Variants in RBFOX1 observed in about 807,000 individuals in gnomAD.
The protein encoded by RBFOX1 is RNA binding fox-1 homolog 1, also known as RNA binding protein fox-1 homolog 1.
In RBFOX1, 8 loss-of-function variants were observed where a neutral mutation model predicts 57.7. That is an observed-to-expected ratio of 0.14 (90% CI 0.08 to 0.25). The LOEUF (loss-of-function observed/expected upper bound fraction) is 0.25. Ranked by LOEUF, RBFOX1 falls within the 10% of genes least tolerant of loss-of-function variation. The probability of loss-of-function intolerance (pLI) is 1.00; values close to 1 mark genes in which losing one functional copy is unlikely to be tolerated. For missense variants in RBFOX1, 611 were observed against 548.5 expected (o/e 1.11, Z -1.14); for synonymous variants, 326 against 222.4 (o/e 1.47, Z -4.15).
At chr16:7,239,738 T>C (rs2093960630) in intron 4 of RBFOX1, among the ~76,000 whole-genome samples, 1 of 152,174 alleles carries the variant, frequency 6.6e-6, no homozygotes, top group African/African-American at 2.4e-5. Context: ...TTTGCTGATG[T>C]TGTATTCATG....
At chr16:5,867,864 G>A (rs9924233) in intron 4 of RBFOX1, among the ~76,000 whole-genome samples, 152,113 of 152,138 alleles carry the variant, frequency 1, 76,044 homozygotes, top group Middle Eastern at 1. Flanking sequence ...GGTGTGCACC[G>A]CCACGCCTGG....
At chr16:6,745,133 G>A (rs1026333860) in intron 3 of RBFOX1, among the ~76,000 whole-genome samples, 2 of 152,018 alleles carry the variant, frequency 1.3e-5, no homozygotes, top group African/African-American at 4.8e-5. Flanking sequence ...CACTAAAGAA[G>A]AAATAGATCA....
Position 6,523,035 on chromosome 16 carries a change from C to T in RBFOX1, c.-63-131568C>T, listed in dbSNP as rs530452068. On this transcript the variant is annotated intron_variant, in intron 2 of 15. Coordinates refer to ENST00000550418, the MANE Select transcript of RBFOX1 (RefSeq NM_018723.4). ...TCCATCCTACATAAGAAAACTCCTTCCTGGGAGTCACTAGCATTTAATACG... is the reference window on the plus strand; with the variant it reads ...TCCATCCTACATAAGAAAACTCCTTTCTGGGAGTCACTAGCATTTAATACG... 5.2e-4 allele frequency among the ~76,000 whole-genome samples: 79 copies of T among 152,302 alleles called. 2 individuals are homozygous for T. The South Asian group carries it at 0.016, about 31-fold the overall frequency.
intron 1 of RBFOX1, among the ~76,000 whole-genome samples, chr16:5,436,653 C>G (rs929773732): frequency 6.6e-6 from 1 of 152,116 alleles, no homozygotes; most frequent in South Asian, 2.1e-4. Context: ...GTCTGGCCAA[C>G]ATGGTGAAAC....
chr16:6,010,928 A>G (rs190014995), intron 4 of RBFOX1, among the ~76,000 whole-genome samples: 41 of 152,360 alleles, frequency 2.7e-4, no homozygotes, highest in African/African-American at 9.1e-4. Flanking sequence ...GTGGAAGCAC[A>G]GAAATGTAAA....
chr16:6,245,113 T>C (rs2097561925), intron 1 of RBFOX1, among the ~76,000 whole-genome samples: 1 of 152,196 alleles, frequency 6.6e-6, no homozygotes, highest in Admixed American at 6.5e-5. Context: ...TGCTGAATCA[T>C]AGTAGAAACT....
chr16:7,009,926 C>T (rs925372758), intron 3 of RBFOX1, among the ~76,000 whole-genome samples: 2 of 152,062 alleles, frequency 1.3e-5, no homozygotes, highest in African/African-American at 2.4e-5. Context: ...ATAAATGGTT[C>T]TTTTGCCATT....
chr16:5,966,531 C>T (rs150042620), intron 4 of RBFOX1, among the ~76,000 whole-genome samples: 1 of 152,218 alleles, frequency 6.6e-6, no homozygotes, highest in Non-Finnish European at 1.5e-5. Context: ...GTTCTCGGCT[C>T]ACTGCAATCT....
At chr16:6,645,444 G>C (rs545350775) in intron 2 of RBFOX1, among the ~76,000 whole-genome samples, 19 of 152,142 alleles carry the variant, frequency 1.2e-4, no homozygotes, top group Non-Finnish European at 2.4e-4. Context: ...AGATACTTCA[G>C]AGCTGGGAAT....
intron 1 of RBFOX1, among the ~76,000 whole-genome samples, chr16:6,079,354 C>T (rs368940028): frequency 2.0e-5 from 3 of 152,040 alleles, no homozygotes; most frequent in Non-Finnish European, 1.5e-5. Flanking sequence ...CTCTGTTTGC[C>T]AGGTTGGAGT....
At chr16:6,934,285 C>G (rs1279299259) in intron 3 of RBFOX1, among the ~76,000 whole-genome samples, 1 of 152,138 alleles carries the variant, frequency 6.6e-6, no homozygotes, top group African/African-American at 2.4e-5. Context: ...AGTTGCTGCG[C>G]TTGGGATTTT....
At chr16:6,806,836 ATTTTT>A (rs1555488600) in intron 3 of RBFOX1, among the ~76,000 whole-genome samples, 1 of 91,902 alleles carries the variant, frequency 1.1e-5, no homozygotes, top group East Asian at 3.1e-4. Context: ...ATATATATAT[ATTTTT>A]TTTTTTTTTT....
chr16:6,479,457 A>C (rs924170429), intron 2 of RBFOX1, among the ~76,000 whole-genome samples: 4 of 151,924 alleles, frequency 2.6e-5, no homozygotes, highest in Non-Finnish European at 5.9e-5. Flanking sequence ...GCATGGTGGC[A>C]CACACCTGTA....
intron 3 of RBFOX1, among the ~76,000 whole-genome samples, chr16:5,665,099 C>G (rs1445586772): frequency 6.9e-6 from 1 of 145,860 alleles, no homozygotes; most frequent in Middle Eastern, 3.5e-3. Context: ...GTGTGCACCA[C>G]CATGGCTGGC....
chr16:6,681,912 G>A (rs768590666), intron 3 of RBFOX1, among the ~76,000 whole-genome samples: 20 of 152,262 alleles, frequency 1.3e-4, no homozygotes, highest in Non-Finnish European at 1.3e-4. Context: ...ATATGCTTGT[G>A]AAAAGTCAAG....
rs182848022 is a variant in RBFOX1 at position 6,667,475 on chromosome 16, C to G, written c.-16+12825C>G. Among the ~76,000 whole-genome samples the G allele has an allele frequency of 2.6e-5, 4 of 152,138 alleles. No homozygotes were observed. The East Asian group carries it at 7.7e-4, about 29-fold the overall frequency. On this transcript the variant is annotated intron_variant, in intron 3 of 15. Coordinates refer to ENST00000550418, the MANE Select transcript of RBFOX1 (RefSeq NM_018723.4). ...ATTTAACCTCTCAGATGCTCAAGCTCTTATATAAAAGGGAGAGGAGGAGAG... is the reference window on the plus strand; with the variant it reads ...ATTTAACCTCTCAGATGCTCAAGCTGTTATATAAAAGGGAGAGGAGGAGAG...
chr16:5,673,398 G>C (rs73514581), intron 3 of RBFOX1, among the ~76,000 whole-genome samples: 13,711 of 152,048 alleles, frequency 0.09, 2,051 homozygotes, highest in African/African-American at 0.31. Flanking sequence ...TTCTCTCAGA[G>C]GGAACCCATC....
At chr16:7,283,135 C>G (rs552706551) in intron 4 of RBFOX1, among the ~76,000 whole-genome samples, 4 of 152,140 alleles carry the variant, frequency 2.6e-5, no homozygotes, top group African/African-American at 7.2e-5. Context: ...ATTGTTGGAT[C>G]AAATGGTAGT....
intron 2 of RBFOX1, among the ~76,000 whole-genome samples, chr16:6,459,794 T>C (rs1371860722): frequency 6.6e-6 from 1 of 151,484 alleles, no homozygotes; most frequent in East Asian, 1.9e-4. Context: ...CTGGCCAACA[T>C]GGAGAAACTG....
Sources: allele counts gnomAD v4.1 joint callset (sites outside exome capture counted in the v4.1 genomes callset), GRCh38; gene constraint gnomAD v4.1.1; transcripts MANE v1.5; gene names NCBI Gene and HGNC (gene_info 2026-07-23, HGNC 2026-07-21).